Variants in C2CD5 observed in about 807,000 individuals in gnomAD.
The protein encoded by C2CD5 is C2 calcium dependent domain containing 5.
Under a neutral mutation model 130.3 loss-of-function variants are expected in C2CD5, and 109 were observed. The ratio of observed to expected loss-of-function variants is 0.84; its 90% CI spans 0.72 to 0.98. C2CD5 has a LOEUF of 0.98. C2CD5 is among the 50% of genes least tolerant of loss of function. The pLI, the probability that C2CD5 is intolerant of heterozygous loss-of-function variation, is 0.00. For synonymous variants in C2CD5, 454 were observed against 429.2 expected (o/e 1.06, Z -0.71); for missense variants, 996 against 1,261.8 (o/e 0.79, Z 3.19).
chr12:22,449,960 G>C, intron 26 of C2CD5, 69 bp from the exon 27 acceptor site: 1 of 1,359,014 alleles, frequency 7.4e-7, no homozygotes, highest in African/African-American at 1.4e-5. Flanking sequence ...TTACATAAGG[G>C]GCAGTGCTGT....
At chr12:22,512,983 T>A (rs12303966) in intron 9 of C2CD5, among the ~76,000 whole-genome samples, 1 of 151,912 alleles carries the variant, frequency 6.6e-6, no homozygotes, top group African/African-American at 2.4e-5. Context: ...TTCTGCAAAA[T>A]GTTTACCATC....
intron 11 of C2CD5, 92 bp downstream of exon 11, chr12:22,493,131 A>G (rs1186036389): frequency 1.8e-5 from 13 of 722,900 alleles, no homozygotes; most frequent in Non-Finnish European, 3.0e-5. Flanking sequence ...ACACTTCGCT[A>G]TTCTCTTTTC....
chr12:22,525,096 A>C (rs1239276590), intron 5 of C2CD5, among the ~76,000 whole-genome samples: 3 of 152,220 alleles, frequency 2.0e-5, no homozygotes, highest in African/African-American at 7.2e-5. Context: ...TAACCTGAGG[A>C]GTCAAGTTCA....
intron 22 of C2CD5, among the ~76,000 whole-genome samples, chr12:22,466,593 T>C (rs568506706): frequency 3.6e-4 from 55 of 152,128 alleles, no homozygotes; most frequent in Non-Finnish European, 6.6e-4. Context: ...TCAAAACCTA[T>C]CTTACCCTCA....
At chr12:22,530,204 C>T (rs1951137443) in intron 3 of C2CD5, among the ~76,000 whole-genome samples, 1 of 138,924 alleles carries the variant, frequency 7.2e-6, no homozygotes, top group African/African-American at 2.7e-5. Flanking sequence ...TATATATATA[C>T]AGTATATATA....
chr12:22,462,840 A>G (rs1291691422), intron 22 of C2CD5, among the ~76,000 whole-genome samples: 1 of 152,148 alleles, frequency 6.6e-6, no homozygotes, highest in African/African-American at 2.4e-5. Context: ...TAATCTCAGC[A>G]CTTTGGGAAA....
intron 19 of C2CD5, 33 bp from the exon 20 acceptor site, chr12:22,471,521 T>C: frequency 7.9e-7 from 1 of 1,267,152 alleles, no homozygotes; most frequent in South Asian, 1.5e-5. Context: ...AATGTCACTT[T>C]TTTATTTAAA....
At chr12:22,471,679 G>A (rs963675592) in intron 19 of C2CD5, among the ~76,000 whole-genome samples, 191 bp from the exon 20 acceptor site, 4 of 151,592 alleles carry the variant, frequency 2.6e-5, no homozygotes, top group Admixed American at 6.6e-5. Context: ...AGATTTAATC[G>A]TCAATAAGTC....
chr12:22,523,571 C>T lies in C2CD5; in HGVS notation c.655G>A (p.Val219Ile). 1 of 1,613,932 alleles carries T rather than the reference C, an allele frequency of 6.2e-7. No homozygotes were observed. Among genetic ancestry groups the T allele is most frequent in the Non-Finnish European group, 8.5e-7 (1 of 1,179,972 alleles). ...TCGAAACACTGTAAGTACCCCACAA[C>T]TGCATTTCCTCTCATTTCAAGTACT... ...LKVLEMRGNA[V>I]VGYLQCFDLE... is the part of the protein sequence containing the mutation. Residue 219 changes from valine (V) to isoleucine (I), a missense_variant, in exon 7 of 27, where the codon GTT becomes ATT. By Grantham distance (29) the Val-to-Ile change is conservative. Transcript: ENST00000446597.
chr12:22,458,368 C>T (rs1230103990), intron 24 of C2CD5, 116 bp downstream of exon 24: 2 of 426,618 alleles, frequency 4.7e-6, no homozygotes, highest in East Asian at 3.6e-5. Context: ...CTTTCACACT[C>T]TAATACATGA....
At chr12:22,486,019 C>T (rs1945446620) in intron 12 of C2CD5, among the ~76,000 whole-genome samples, 1 of 151,878 alleles carries the variant, frequency 6.6e-6, no homozygotes, top group Non-Finnish European at 1.5e-5. Context: ...TCTAAAATAA[C>T]CAAAGTTATT....
chr12:22,501,677 G>A (rs1444072118), intron 10 of C2CD5, among the ~76,000 whole-genome samples: 2 of 152,160 alleles, frequency 1.3e-5, no homozygotes, highest in South Asian at 2.1e-4. Context: ...TGGATTTACC[G>A]ATTGATATCA....
chr12:22,454,045 AAAT>A lies in C2CD5; in HGVS notation c.2878-6_2878-4del. ...AGAAAACCACTGACTCCTCCTTCCT[AAAT>A]AATAGTGCACAGGAAAATCATACTA... is the stretch of plus-strand genomic sequence containing the variant. On this transcript the variant is annotated splice_polypyrimidine_tract_variant and splice_region_variant and intron_variant, in intron 25 of 26. Transcript: ENST00000446597. The A allele has an allele frequency of 6.2e-7, 1 of 1,612,104 alleles. No individual in the cohort carries two copies. The highest frequency in any genetic ancestry group is 8.5e-7 in the Non-Finnish European group (1 of 1,178,508).
chr12:22,471,698 T>C (rs1457999079), intron 19 of C2CD5, among the ~76,000 whole-genome samples: 2 of 151,988 alleles, frequency 1.3e-5, no homozygotes, highest in East Asian at 3.8e-4. Flanking sequence ...TCACAAAAAA[T>C]AATATAGTAA....
intron 22 of C2CD5, among the ~76,000 whole-genome samples, chr12:22,461,459 T>C (rs1195654369): frequency 6.6e-6 from 1 of 152,204 alleles, no homozygotes; most frequent in Non-Finnish European, 1.5e-5. Flanking sequence ...ATGGCAAATG[T>C]ACACAGAAAG....
intron 3 of C2CD5, among the ~76,000 whole-genome samples, chr12:22,530,149 A>T (rs1951130252): frequency 6.9e-6 from 1 of 144,262 alleles, no homozygotes; most frequent in East Asian, 2.0e-4. Context: ...CAGTGTATAT[A>T]TATTATACAC....
At chr12:22,474,124 A>G (rs1943478657) in intron 16 of C2CD5, among the ~76,000 whole-genome samples, 1 of 152,050 alleles carries the variant, frequency 6.6e-6, no homozygotes. Context: ...CTCTCTCTCA[A>G]CTTACATCTT....
intron 26 of C2CD5, among the ~76,000 whole-genome samples, chr12:22,453,437 G>A (rs1439287328): frequency 6.6e-6 from 1 of 152,094 alleles, no homozygotes; most frequent in Admixed American, 6.6e-5. Context: ...TTTATTTTAA[G>A]ATTTAAACTA....
At chr12:22,533,541 A>C (rs1283200723) in intron 3 of C2CD5, among the ~76,000 whole-genome samples, 3 of 152,216 alleles carry the variant, frequency 2.0e-5, no homozygotes, top group Non-Finnish European at 4.4e-5. Flanking sequence ...AAGAGGGCAG[A>C]AACTGCAGGG....
Sources: gnomAD v4.1 joint callset for allele counts (sites outside exome capture counted in the v4.1 genomes callset) on GRCh38, gnomAD v4.1.1 for gene constraint, MANE v1.5 for transcripts, NCBI Gene and HGNC (gene_info 2026-07-23, HGNC 2026-07-21) for gene names.